Variants in AKAP7 observed in about 807,000 individuals in gnomAD.
AKAP7 encodes A kinase (PRKA) anchor protein 7.
AKAP7 carries 39 observed loss-of-function variants against 39.5 expected under a neutral mutation model. The ratio of observed to expected loss-of-function variants is 0.99; its 90% CI spans 0.76 to 1.29. The LOEUF is 1.29. Among genes scored for constraint, AKAP7 ranks in the 50% most tolerant of loss-of-function variants. AKAP7 has a pLI of 0.00. For missense variants in AKAP7, 414 were observed against 407.7 expected (o/e 1.02, Z -0.13); for synonymous variants, 140 against 139.1 (o/e 1.01, Z -0.05).
At chr6:131,232,167 C>T (rs1281058270) in intron 7 of AKAP7, among the ~76,000 whole-genome samples, 1 of 152,138 alleles carries the variant, frequency 6.6e-6, no homozygotes, top group East Asian at 1.9e-4. Flanking sequence ...CTTAGGAACC[C>T]TGCATATTAA....
At chr6:131,259,051 TC>T in intron 7 of AKAP7, among the ~76,000 whole-genome samples, 1 of 152,190 alleles carries the variant, frequency 6.6e-6, no homozygotes, top group Admixed American at 6.5e-5. Flanking sequence ...TCAGAGCCCC[TC>T]CCCGGCTTCT....
intron 5 of AKAP7, among the ~76,000 whole-genome samples, chr6:131,174,028 T>C (rs190461605): frequency 1.1e-3 from 164 of 152,360 alleles, no homozygotes; most frequent in African/African-American, 3.8e-3. Context: ...ACTGCTCCTG[T>C]AATTCCTTTC....
intron 5 of AKAP7, among the ~76,000 whole-genome samples, chr6:131,178,129 A>G (rs1306313923): frequency 1.3e-5 from 2 of 152,142 alleles, no homozygotes; most frequent in Non-Finnish European, 2.9e-5. Context: ...TTCATAGCTC[A>G]CATTGCAATG....
At chr6:131,256,798 C>T (rs1286801301) in intron 7 of AKAP7, among the ~76,000 whole-genome samples, 1 of 151,848 alleles carries the variant, frequency 6.6e-6, no homozygotes, top group Non-Finnish European at 1.5e-5. Context: ...CCTCGGCCTC[C>T]CAGAGTATTG....
chr6:131,232,101 T>G (rs975713845), intron 7 of AKAP7, among the ~76,000 whole-genome samples: 2 of 152,214 alleles, frequency 1.3e-5, no homozygotes, highest in African/African-American at 4.8e-5. Flanking sequence ...TGGCTCAGGC[T>G]ATTTTGAAAA....
intron 7 of AKAP7, among the ~76,000 whole-genome samples, chr6:131,237,428 G>A (rs993123138): frequency 2.6e-5 from 4 of 152,184 alleles, no homozygotes; most frequent in South Asian, 2.1e-4. Flanking sequence ...CATAAAATGA[G>A]TTAGGGAGGA....
intron 5 of AKAP7, chr6:131,184,511 C>T (rs1174531382): frequency 2.5e-5 from 17 of 693,042 alleles, no homozygotes; most frequent in Non-Finnish European, 3.5e-5. Flanking sequence ...GCAGATATCG[C>T]AACATTTGTG....
intron 7 of AKAP7, among the ~76,000 whole-genome samples, chr6:131,227,633 C>T (rs545002073): frequency 1.4e-4 from 22 of 152,212 alleles, no homozygotes; most frequent in African/African-American, 5.3e-4. Context: ...ATAAACTAAA[C>T]AGAAGAAGCA....
intron 5 of AKAP7, among the ~76,000 whole-genome samples, chr6:131,171,201 T>C (rs1804012054): frequency 6.6e-6 from 1 of 152,104 alleles, no homozygotes; most frequent in South Asian, 2.1e-4. Context: ...AAGGAGCATA[T>C]AGCCTTGTGC....
rs202171037 is a variant in AKAP7 at position 131,142,284 on chromosome 6, C to T, written c.20-3001C>T. On this transcript the variant is annotated intron_variant, in intron 1 of 7. Coordinates refer to ENST00000431975, the MANE Select transcript of AKAP7 (RefSeq NM_016377.4). ...TCAGAAATCTCCAGGGCAGCTTCTC[C>T]GATCACAGACCTGGAGGCCTAGAAT... Among the ~76,000 whole-genome samples the T allele has an allele frequency of 1.2e-4, 18 of 152,336 alleles. No individual in the cohort carries two copies. In the East Asian group the frequency reaches 2.9e-3, roughly 24 times the overall value.
At chr6:131,214,708 C>T (rs531123754) in intron 6 of AKAP7, among the ~76,000 whole-genome samples, 4 of 152,094 alleles carry the variant, frequency 2.6e-5, no homozygotes, top group African/African-American at 9.6e-5. Flanking sequence ...TATTCATGCA[C>T]TATATTAAGG....
chr6:131,134,566 A>G (rs183809217), upstream of AKAP7, among the ~76,000 whole-genome samples: 25 of 152,340 alleles, frequency 1.6e-4, no homozygotes, highest in East Asian at 4.6e-3. Context: ...TTACCTGCAC[A>G]TCCTCAGCAC....
intron 5 of AKAP7, among the ~76,000 whole-genome samples, chr6:131,186,871 A>G (rs1247148686): frequency 1.3e-5 from 2 of 152,196 alleles, no homozygotes; most frequent in Non-Finnish European, 1.5e-5. Context: ...TACCTTGGGG[A>G]TTAGGTCTCA....
the AKAP7 span, among the ~76,000 whole-genome samples, chr6:131,127,041 C>CTTT: frequency 9.1e-6 from 1 of 110,396 alleles, no homozygotes; most frequent in African/African-American, 3.1e-5. Flanking sequence ...TTTCATTTTG[C>CTTT]TTTGTTTTTT....
chr6:131,172,558 C>A (rs1804174095), intron 5 of AKAP7, among the ~76,000 whole-genome samples: 1 of 152,024 alleles, frequency 6.6e-6, no homozygotes, highest in South Asian at 2.1e-4. Context: ...GAACTCTTGG[C>A]CTCAAGCAGT....
chr6:131,248,475 T>C (rs1340855196), intron 7 of AKAP7, among the ~76,000 whole-genome samples: 1 of 152,230 alleles, frequency 6.6e-6, no homozygotes, highest in African/African-American at 2.4e-5. Flanking sequence ...CAAAAAGTAA[T>C]GTTTAGGATA....
At chr6:131,241,633 A>G (rs1466020579) in intron 7 of AKAP7, among the ~76,000 whole-genome samples, 83 of 78,508 alleles carry the variant, frequency 1.1e-3, no homozygotes, top group Admixed American at 1.8e-3. Flanking sequence ...GTGTGTATAT[A>G]TATATGACAG....
chr6:131,262,620 T>A (rs777484263), intron 7 of AKAP7, among the ~76,000 whole-genome samples: 16 of 152,024 alleles, frequency 1.1e-4, no homozygotes, highest in South Asian at 4.1e-4. Flanking sequence ...TTTAAAAAAA[T>A]ATATATATAT....
chr6:131,241,577 A>ATGTGTGTGTGTGTGTG (rs749601887), intron 7 of AKAP7, among the ~76,000 whole-genome samples: 5 of 81,242 alleles, frequency 6.2e-5, no homozygotes, highest in Admixed American at 1.5e-4. Flanking sequence ...GATTATATAT[A>ATGTGTGTGTGTGTGTG]TGTGTGTGTG....
Sources: allele counts gnomAD v4.1 joint callset (sites outside exome capture counted in the v4.1 genomes callset), GRCh38; gene constraint gnomAD v4.1.1; transcripts MANE v1.5; gene names NCBI Gene and HGNC (gene_info 2026-07-23, HGNC 2026-07-21).